Variants in RBFOX1 observed in about 807,000 individuals in gnomAD.
RBFOX1 encodes the protein RNA binding protein fox-1 homolog 1.
A neutral mutation model predicts 57.7 loss-of-function variants in RBFOX1; 8 were observed. That is an observed-to-expected ratio of 0.14 (90% CI 0.08 to 0.25). The LOEUF (loss-of-function observed/expected upper bound fraction) is 0.25. Ranked by LOEUF, RBFOX1 falls within the 10% of genes least tolerant of loss-of-function variation. The pLI, the probability that RBFOX1 is intolerant of heterozygous loss-of-function variation, is 1.00. For missense variants in RBFOX1, 611 were observed against 548.5 expected (o/e 1.11, Z -1.14); for synonymous variants, 326 against 222.4 (o/e 1.47, Z -4.15).
intron 2 of RBFOX1, among the ~76,000 whole-genome samples, chr16:5,505,133 T>G (rs1221083369): frequency 6.6e-6 from 1 of 152,166 alleles, no homozygotes; most frequent in Non-Finnish European, 1.5e-5. Context: ...TATAGCTCAG[T>G]AAAGCTGTTA....
chr16:6,559,488 T>C (rs771237365), intron 2 of RBFOX1, among the ~76,000 whole-genome samples: 1 of 151,896 alleles, frequency 6.6e-6, no homozygotes, highest in Non-Finnish European at 1.5e-5. Context: ...GAACTATGCA[T>C]TTTTTGAGAA....
intron 3 of RBFOX1, among the ~76,000 whole-genome samples, chr16:7,007,529 G>C (rs892222311): frequency 6.6e-6 from 1 of 152,060 alleles, no homozygotes; most frequent in Non-Finnish European, 1.5e-5. Context: ...TTAGGACATG[G>C]GTATCTTGGG....
At chr16:7,552,539 G>T (rs1244317064) in intron 5 of RBFOX1, among the ~76,000 whole-genome samples, 1 of 152,194 alleles carries the variant, frequency 6.6e-6, no homozygotes, top group Non-Finnish European at 1.5e-5. Context: ...TCTAAGGCGA[G>T]ATCTGAACTG....
At chr16:5,979,749 C>G (rs1290417615) in intron 4 of RBFOX1, among the ~76,000 whole-genome samples, 4 of 152,178 alleles carry the variant, frequency 2.6e-5, no homozygotes, top group African/African-American at 9.7e-5. Flanking sequence ...GTAGTCCCAG[C>G]TGCTCCGGAG....
At chr16:6,853,915 G>T (rs374846576) in intron 3 of RBFOX1, among the ~76,000 whole-genome samples, 7 of 152,246 alleles carry the variant, frequency 4.6e-5, no homozygotes, top group East Asian at 1.9e-4. Context: ...CAAATAATTA[G>T]CTCTTCCTGG....
intron 1 of RBFOX1, among the ~76,000 whole-genome samples, chr16:5,362,999 G>A (rs976212771): frequency 4.0e-5 from 6 of 148,480 alleles, no homozygotes; most frequent in African/African-American, 1.5e-4. Flanking sequence ...ACATGGGAGT[G>A]CAAATATCTC....
chr16:7,536,543 A>C (rs1206259790), intron 5 of RBFOX1, among the ~76,000 whole-genome samples: 1 of 152,212 alleles, frequency 6.6e-6, no homozygotes, highest in Non-Finnish European at 1.5e-5. Flanking sequence ...GCAGTGAGCC[A>C]AGATGGCACC....
intron 4 of RBFOX1, among the ~76,000 whole-genome samples, chr16:5,914,142 C>T (rs746835446): frequency 6.6e-6 from 1 of 152,132 alleles, no homozygotes; most frequent in South Asian, 2.1e-4. Flanking sequence ...GAGGAAAGGA[C>T]GTTTTGGCCC....
At chr16:5,391,219 C>T (rs1420170959) in intron 1 of RBFOX1, among the ~76,000 whole-genome samples, 7 of 152,174 alleles carry the variant, frequency 4.6e-5, no homozygotes, top group South Asian at 2.1e-4. Context: ...CAAAACTTAA[C>T]GGTTTAAAAC....
At position 5,943,284 on chromosome 16, in the gene RBFOX1, A is replaced by G. The variant is rs117684288; in HGVS notation, c.351+75949A>G. 1.3e-4 allele frequency among the ~76,000 whole-genome samples: 20 copies of G among 152,278 alleles called. No homozygotes were observed. The East Asian group carries it at 3.9e-3, about 29-fold the overall frequency. On this transcript the variant is annotated intron_variant, in intron 4 of 19. Transcript: ENST00000641259. The stretch of plus-strand genomic sequence containing the variant: ...GGCTTCTTAAGTGAACTTTCTTAGT[A>G]TGTAGTCCAGGAATCCACAGTGGAA...
At chr16:7,093,068 T>A (rs771588017) in intron 4 of RBFOX1, among the ~76,000 whole-genome samples, 1 of 152,242 alleles carries the variant, frequency 6.6e-6, no homozygotes, top group Non-Finnish European at 1.5e-5. Context: ...TTTCTGTGTT[T>A]CCTATGAGTG....
rs1013354066 is a variant in RBFOX1 at position 6,940,178 on chromosome 16, T to G, written c.-15-111879T>G. 1.3e-5 allele frequency among the ~76,000 whole-genome samples: 2 copies of G among 150,628 alleles called. 1 individual carries two copies. Among genetic ancestry groups the G allele is most frequent in the South Asian group, 4.3e-4 (2 of 4,676 alleles). The stretch of plus-strand genomic sequence containing the variant: ...CTCCACTCCAGTCTGGGCAACAGAG[T>G]GAGACTCCATCTCAAAAATAAAAAT... On this transcript the variant is annotated intron_variant, in intron 3 of 15. Transcript: ENST00000550418.
At chr16:6,501,584 G>T (rs1192039120) in intron 2 of RBFOX1, among the ~76,000 whole-genome samples, 1 of 151,970 alleles carries the variant, frequency 6.6e-6, no homozygotes, top group Admixed American at 6.6e-5. Context: ...ATTGTGAATA[G>T]TGCCACAATA....
At chr16:5,929,209 C>T (rs532665483) in intron 4 of RBFOX1, among the ~76,000 whole-genome samples, 22 of 152,046 alleles carry the variant, frequency 1.4e-4, no homozygotes, top group Non-Finnish European at 2.8e-4. Context: ...TCTCACCCCT[C>T]CCCCAGCACC....
chr16:5,401,760 TCTCTCTCCTCCTCCTC>T lies in RBFOX1; in HGVS notation c.220-65452_220-65437del, dbSNP rs993881906. ...CTCTTTTTCTCTCTCTCTCTCCCTG[TCTCTCTCCTCCTCCTC>T]CTCCTCCTCCTCCTCCTCTTTCTCC... On this transcript the variant is annotated intron_variant, in intron 1 of 2. Transcript: ENST00000585867. 3.5e-4 allele frequency among the ~76,000 whole-genome samples: 40 copies of T among 115,238 alleles called. No individual in the cohort carries two copies. In the South Asian group the frequency reaches 7.7e-3, roughly 22 times the overall value. The allele number at this position is 115,238 out of a possible 152,430, so 75.6% of individuals were successfully genotyped here. A position where few individuals can be genotyped will look rare whatever the true frequency, so the allele number is the denominator to read the frequency against.
chr16:7,263,506 A>G (rs1341046152), intron 4 of RBFOX1, among the ~76,000 whole-genome samples: 1 of 152,182 alleles, frequency 6.6e-6, no homozygotes, highest in Non-Finnish European at 1.5e-5. Flanking sequence ...GAGCCAGAGT[A>G]CCTACAGTAT....
rs117723924 is a variant in RBFOX1, at chr16:5,641,122, A to G, written c.318+42161A>G. Among the ~76,000 whole-genome samples the G allele has an allele frequency of 5.9e-3, 902 of 151,954 alleles. 49 individuals carry two copies. In the South Asian group the frequency reaches 0.095, roughly 16 times the overall value. On this transcript the variant is annotated intron_variant, in intron 3 of 19. Coordinates refer to the RBFOX1 transcript ENST00000641259. ...CATACACATGCATACACACACATGC[A>G]TACACACATGCACACCATGAATACA...
chr16:7,139,930 T>G (rs2152090713), intron 4 of RBFOX1, among the ~76,000 whole-genome samples: 1 of 151,994 alleles, frequency 6.6e-6, no homozygotes, highest in East Asian at 1.9e-4. Flanking sequence ...GGTAAAGACA[T>G]AAGCCTGGAA....
Position 5,740,672 on chromosome 16 carries a change from C to T in RBFOX1, c.319-126631C>T, listed in dbSNP as rs1212554991. ...GATAGGCTCTGTTGTTTTTCTTGGT[C>T]TCTTGACTCTACTTCCCATATCTCA... On this transcript the variant is annotated intron_variant, in intron 3 of 19. Coordinates refer to the RBFOX1 transcript ENST00000641259. 2.6e-5 allele frequency among the ~76,000 whole-genome samples: 4 copies of T among 152,176 alleles called. No homozygotes were observed. The East Asian group carries it at 7.7e-4, about 29-fold the overall frequency.
Sources: allele counts gnomAD v4.1 joint callset (sites outside exome capture counted in the v4.1 genomes callset), GRCh38; gene constraint gnomAD v4.1.1; transcripts MANE v1.5; gene names NCBI Gene and HGNC (gene_info 2026-07-23, HGNC 2026-07-21).